PHF20L1: variants seen among roughly 807,000 people sequenced by gnomAD.
The protein encoded by PHF20L1 is PHD finger protein 20 like 1.
Under a neutral mutation model 125.5 loss-of-function variants are expected in PHF20L1, and 44 were observed. The observed-to-expected ratio is 0.35, with a 90% CI of 0.28 to 0.45. The LOEUF (loss-of-function observed/expected upper bound fraction) is 0.45. PHF20L1 is among the 20% of genes least tolerant of loss of function. PHF20L1 has a pLI of 1.00. For missense variants in PHF20L1, 1,012 were observed against 1,217.2 expected (o/e 0.83, Z 2.51); for synonymous variants, 380 against 403.1 (o/e 0.94, Z 0.69).
chr8:132,843,876 A>G (rs958906324), intron 19 of PHF20L1: 25 of 985,210 alleles, frequency 2.5e-5, no homozygotes, highest in East Asian at 1.1e-4. Flanking sequence ...TAATTACACA[A>G]TAGAATTAGT....
intron 20 of PHF20L1, 66 bp downstream of exon 20, chr8:132,844,384 T>G: frequency 1.6e-6 from 2 of 1,270,548 alleles, no homozygotes; most frequent in Non-Finnish European, 2.2e-6. Flanking sequence ...AAGAAGTTAC[T>G]TAAAATTCTT....
chr8:132,847,521 A>G lies in PHF20L1; in HGVS notation c.*1598A>G, dbSNP rs1269267932. On this transcript the variant is annotated 3_prime_UTR_variant, in exon 21 of 21. Coordinates refer to ENST00000395386, the MANE Select transcript of PHF20L1 (RefSeq NM_016018.5). ...CATTCAGATATTATTTAAATTTGCAAACACATTGTTCTATATGTAAGGGTA... is the reference window on the plus strand; with the variant it reads ...CATTCAGATATTATTTAAATTTGCAGACACATTGTTCTATATGTAAGGGTA... The G allele has an allele frequency of 6.6e-6, 1 of 152,598 alleles. No individual in the cohort carries two copies. The highest frequency in any genetic ancestry group is 1.5e-5 in the Non-Finnish European group (1 of 68,008). The allele number at this position is 152,598 out of a possible 1,614,324, so 9.5% of individuals were successfully genotyped here. A position where few individuals can be genotyped will look rare whatever the true frequency, so the allele number is the denominator to read the frequency against.
intron 17 of PHF20L1, chr8:132,838,312 G>A (rs1037165773): frequency 6.6e-5 from 11 of 167,762 alleles, no homozygotes; most frequent in South Asian, 4.5e-4. Context: ...TGTGGCAATC[G>A]GAGTAGATCT....
intron 13 of PHF20L1, chr8:132,824,876 T>A (rs1835991672): frequency 1.1e-5 from 4 of 376,872 alleles, no homozygotes; most frequent in East Asian, 8.0e-5. Flanking sequence ...TTTTTTTTTT[T>A]AAATCTCCTA....
rs1339850084 is a variant in PHF20L1 at position 132,842,557 on chromosome 8, G to A, written c.2430G>A (p.Gly810=). The change falls in exon 19 of 21, where the codon GGG becomes GGA. Residue 810 remains glycine, a synonymous_variant. Transcript: ENST00000395386. ...ACCTTCATCTCTGGGCTTGTTCCGG[G>A]AAGCGAAAAGACCAAGATCAAATAA... ...HPDLHLWACS[G]KRKDQDQIIA... 4 of 1,610,914 alleles carry A rather than the reference G, an allele frequency of 2.5e-6. No individual in the cohort carries two copies. In the African/African-American group the frequency reaches 5.4e-5, roughly 22 times the overall value.
intron 17 of PHF20L1, chr8:132,838,068 TAGTG>T (rs1263930838): frequency 1.2e-5 from 4 of 338,236 alleles, no homozygotes; most frequent in Middle Eastern, 1.8e-3. Flanking sequence ...TGATTACCCT[TAGTG>T]AGGACTCACT....
rs1838486600 is a variant in PHF20L1, at chr8:132,847,280, AACAG to A, written c.*1360_*1363del. On this transcript the variant is annotated 3_prime_UTR_variant, in exon 21 of 21. Transcript: ENST00000395386. ...TGGTTAACATGAAATGTTACCTTTT[AACAG>A]ACTGTTTTTAAAAATTAAAAATGTA... 2 of 152,630 alleles carry A rather than the reference AACAG, an allele frequency of 1.3e-5. 1 individual carries two copies. The highest frequency in any genetic ancestry group is 4.1e-4 in the South Asian group (2 of 4,832). The allele number at this position is 152,630 out of a possible 1,614,324, so 9.5% of individuals were successfully genotyped here.
At chr8:132,811,020 G>T (rs1200182186) in intron 8 of PHF20L1, 26 bp from the exon 9 acceptor site, 1 of 1,407,650 alleles carries the variant, frequency 7.1e-7, no homozygotes, top group Non-Finnish European at 1.0e-6. Context: ...TTTCTAATAA[G>T]CAATTTCTGT....
chr8:132,794,835 T>TC lies in PHF20L1; in HGVS notation c.340+19dup, dbSNP rs1250842128. 2 of 1,494,808 alleles carry TC rather than the reference T, an allele frequency of 1.3e-6. No individual in the cohort carries two copies. Among genetic ancestry groups the TC allele is most frequent in the Admixed American group, 3.5e-5 (2 of 57,272 alleles). The allele number at this position is 1,494,808 out of a possible 1,614,324, so 92.6% of individuals were successfully genotyped here. A position where few individuals can be genotyped will look rare whatever the true frequency, so the allele number is the denominator to read the frequency against. ...CAAAGAAGGTATGTGTTTGAAATGA[T>TC]CTGAGACTTAAAATTAGATTAATAG... On this transcript the variant is annotated intron_variant, in intron 4 of 20. Coordinates refer to ENST00000395386, the MANE Select transcript of PHF20L1 (RefSeq NM_016018.5).
intron 10 of PHF20L1, chr8:132,816,611 T>A: frequency 3.4e-6 from 1 of 292,962 alleles, no homozygotes; most frequent in Non-Finnish European, 6.3e-6. Context: ...AAATTAACTG[T>A]AGTCTGTCAC....
At chr8:132,776,402 CATTT>C (rs1829770953) in intron 1 of PHF20L1, among the ~76,000 whole-genome samples, 1 of 152,202 alleles carries the variant, frequency 6.6e-6, no homozygotes, top group Middle Eastern at 3.2e-3. Flanking sequence ...TCTACACAAA[CATTT>C]AAGTAACTGC....
chr8:132,803,443 C>T, intron 6 of PHF20L1: 1 of 172,492 alleles, frequency 5.8e-6, no homozygotes, highest in Non-Finnish European at 1.2e-5. Flanking sequence ...TTTTATAGTC[C>T]TTTGTATTAT....
At chr8:132,822,625 A>G (rs974857738) in intron 12 of PHF20L1, among the ~76,000 whole-genome samples, 4 of 152,006 alleles carry the variant, frequency 2.6e-5, no homozygotes, top group African/African-American at 7.2e-5. Context: ...GAAGGGATGC[A>G]TTTCTTCAAC....
At chr8:132,843,053 A>G (rs1382039697) in intron 19 of PHF20L1, 178 bp downstream of exon 19, 4 of 1,335,346 alleles carry the variant, frequency 3.0e-6, no homozygotes, top group Non-Finnish European at 2.9e-6. Flanking sequence ...CCATTTGAAC[A>G]TTTGATTATC....
chr8:132,779,202 T>A (rs182297437), intron 2 of PHF20L1, among the ~76,000 whole-genome samples: 1 of 152,306 alleles, frequency 6.6e-6, no homozygotes, highest in East Asian at 1.9e-4. Context: ...AGAATGTACA[T>A]GGTAATTCTT....
At chr8:132,781,013 T>G (rs1830363733) in intron 2 of PHF20L1, among the ~76,000 whole-genome samples, 1 of 152,026 alleles carries the variant, frequency 6.6e-6, no homozygotes, top group South Asian at 2.1e-4. Context: ...CTGGGCTAAT[T>G]TAAAAAAAAA....
intron 12 of PHF20L1, among the ~76,000 whole-genome samples, chr8:132,823,181 C>G (rs905718685): frequency 6.6e-6 from 1 of 151,736 alleles, no homozygotes; most frequent in African/African-American, 2.4e-5. Context: ...ATATATAGAA[C>G]AAAAGTGGTT....
chr8:132,804,833 A>T (rs1833497507), intron 8 of PHF20L1, 93 bp downstream of exon 8: 1 of 1,088,510 alleles, frequency 9.2e-7, no homozygotes, highest in African/African-American at 1.6e-5. Flanking sequence ...GTTTTGATTT[A>T]GTGTCATGGA....
rs1409215063 is a variant in PHF20L1, at chr8:132,846,600, A to G, written c.*677A>G. 2 of 152,552 alleles carry G rather than the reference A, an allele frequency of 1.3e-5. No individual in the cohort carries two copies. Among genetic ancestry groups the G allele is most frequent in the African/African-American group, 4.8e-5 (2 of 41,434 alleles). The allele number at this position is 152,552 out of a possible 1,614,324, so 9.4% of individuals were successfully genotyped here. A position where few individuals can be genotyped will look rare whatever the true frequency, so the allele number is the denominator to read the frequency against. On this transcript the variant is annotated 3_prime_UTR_variant, in exon 21 of 21. Coordinates refer to ENST00000395386, the MANE Select transcript of PHF20L1 (RefSeq NM_016018.5). ...ATATATTGCAGGCATTAAGCTCATT[A>G]AAAACAAACTGGCTTGCAGAAGGGT... is the stretch of plus-strand genomic sequence containing the variant.
Sources: gnomAD v4.1 joint callset for allele counts (sites outside exome capture counted in the v4.1 genomes callset) on GRCh38, gnomAD v4.1.1 for gene constraint, MANE v1.5 for transcripts, NCBI Gene and HGNC (gene_info 2026-07-23, HGNC 2026-07-21) for gene names.